Variants in ZNF512B observed in about 807,000 individuals in gnomAD.
ZNF512B encodes the protein zinc finger protein 512B.
Under a neutral mutation model 87.8 loss-of-function variants are expected in ZNF512B, and 22 were observed. The ratio of observed to expected loss-of-function variants is 0.25; its 90% confidence interval spans 0.18 to 0.36. ZNF512B has a LOEUF of 0.36. Ranked by LOEUF, ZNF512B falls within the 10% of genes least tolerant of loss-of-function variation. The pLI is 1.00. For missense variants in ZNF512B, 1,060 were observed against 1,231.6 expected, an observed-to-expected ratio of 0.86 and a Z score of 2.09; for synonymous variants, 524 against 490.9, an observed-to-expected ratio of 1.07 and a Z score of -0.89.
Position 63,967,857 on chromosome 20 carries a change from G to C in ZNF512B, c.94C>G (p.Pro32Ala). 6.2e-7 allele frequency: 1 copy of C among 1,613,320 alleles called. No individual in the cohort carries two copies. Among genetic ancestry groups the C allele is most frequent in the Non-Finnish European group, 8.5e-7 (1 of 1,179,822 alleles). ...ATCTTCGGTGGGTCATGCAGCATTG[G>C]AAGTCGGACCTCCTTTCGGCTGCCA... ...KDGSRKEVRL[P>A]MLHDPPKMGM... Residue 32 changes from proline to alanine, a missense_variant, in exon 2 of 17, where the codon CCA (proline) becomes GCA (alanine). Transcript: ENST00000369888.
rs1194865427 is a variant in ZNF512B at position 63,967,114 on chromosome 20, A to G, written c.265-110T>C. 50 of 1,508,822 alleles carry G rather than the reference A, an allele frequency of 3.3e-5. No homozygotes were observed. In the East Asian group the frequency reaches 1.1e-3, roughly 34 times the overall value. The allele number at this position is 1,508,822 out of a possible 1,614,324, so 93.5% of individuals were successfully genotyped here. On this transcript the variant is annotated intron_variant, in intron 3 of 16. Coordinates refer to ENST00000369888, the MANE Select transcript of ZNF512B (RefSeq NM_020713.3). The stretch of plus-strand genomic sequence containing the variant: ...GCCTGCAGGGCACACACACCACATG[A>G]GCCCCTCAACCTCGGGACTGCAGTG...
chr20:63,966,290 T>C lies in ZNF512B; in HGVS notation c.885A>G (p.Thr295=), dbSNP rs1342549153. ...TKPVPVTKPV[T]VSRPIVVSKP... is the part of the protein sequence containing the mutation. ...TGCTGACCACAATGGGCCTGCTGAC[T>C]GTCACTGGCTTGGTGACCGGCACGG... The change falls in exon 5 of 17, where the codon ACA becomes ACG. Residue 295 remains threonine, a synonymous_variant. Transcript: ENST00000369888. 1.9e-6 allele frequency: 3 copies of C among 1,612,502 alleles called. No individual in the cohort carries two copies. The highest frequency in any genetic ancestry group is 1.3e-5 in the African/African-American group (1 of 74,876).
chr20:63,967,004 G>A lies in ZNF512B; in HGVS notation c.265C>T (p.Leu89Phe), dbSNP rs1484132249. Residue 89 changes from leucine (L) to phenylalanine (F), a missense_variant and splice_region_variant, in exon 4 of 17, where the codon CTC becomes TTC. Coordinates refer to ENST00000369888, the MANE Select transcript of ZNF512B (RefSeq NM_020713.3). The part of the protein sequence containing the change: ...AENQALRDIP[L>F]SLMNDWKDEF... ...TCCTTCCAGTCGTTCATCAGGGAGAGCTAGGCGTGGGGAAAGGTGGTGCTG... is the reference window on the plus strand; with the variant it reads ...TCCTTCCAGTCGTTCATCAGGGAGAACTAGGCGTGGGGAAAGGTGGTGCTG... The A allele has an allele frequency of 2.5e-6, 4 of 1,613,374 alleles. No homozygotes were observed. Among genetic ancestry groups the A allele is most frequent in the Non-Finnish European group, 2.5e-6 (3 of 1,180,014 alleles).
intron 12 of ZNF512B, 41 bp downstream of exon 12, chr20:63,963,054 A>T: frequency 6.6e-7 from 1 of 1,504,644 alleles, no homozygotes. Context: ...CACACGGCAC[A>T]CAGGAACAAG....
intron 1 of ZNF512B, among the ~76,000 whole-genome samples, chr20:63,969,531 C>A (rs1250107247): frequency 6.7e-6 from 1 of 150,232 alleles, no homozygotes; most frequent in Non-Finnish European, 1.5e-5. Flanking sequence ...TCACCTGGGG[C>A]CGGGAGCGGG....
chr20:63,962,470 G>A lies in ZNF512B; in HGVS notation c.2164-96C>T. ...TCGGCAGCAGGCGACACTCGCCGCA[G>A]ATGGCGGGGGCAGCGGGTGGCCCAG... On this transcript the variant is annotated intron_variant, in intron 13 of 16. Coordinates refer to ENST00000369888, the MANE Select transcript of ZNF512B (RefSeq NM_020713.3). The A allele has an allele frequency of 2.6e-6, 4 of 1,553,834 alleles. No individual in the cohort carries two copies. The South Asian group carries it at 3.4e-5, about 13-fold the overall frequency.
intron 3 of ZNF512B, among the ~76,000 whole-genome samples, 182 bp from the exon 4 acceptor site, chr20:63,967,186 G>T (rs551824057): frequency 1.3e-5 from 2 of 152,320 alleles, no homozygotes; most frequent in African/African-American, 4.8e-5. Flanking sequence ...CCCGTTCTAG[G>T]AGCCCACCAA....
rs745447162 is a variant in ZNF512B at position 63,966,408 on chromosome 20, T to C, written c.767A>G (p.Lys256Arg). The change falls in exon 5 of 17, where the codon AAA becomes AGA. Residue 256 changes from lysine to arginine, a missense_variant. Physicochemically the swap from Lys to Arg is conservative, Grantham distance 26. This residue lies in a region of ZNF512B where 201 missense variants were observed against 226.8 expected (regional missense o/e 0.89). Coordinates refer to ENST00000369888, the MANE Select transcript of ZNF512B (RefSeq NM_020713.3). ...CACAGACTTGGTGACTGTGATGGGT[T>C]TGGTGACCGGCATGGCCTTGGTGAC... Reference protein sequence around the residue: ...MPVTKAMPVTKPITVTKSVPV... With the variant: ...MPVTKAMPVTRPITVTKSVPV... 14 of 1,613,812 alleles carry C rather than the reference T, an allele frequency of 8.7e-6. No individual in the cohort carries two copies. The highest frequency in any genetic ancestry group is 1.1e-5 in the South Asian group (1 of 91,058).
In ZNF512B at chr20:63,964,190, C is replaced by T. The variant is rs1162236716; in HGVS notation, c.1361G>A (p.Arg454Gln). The change falls in exon 8 of 17, where the codon CGA becomes CAA. Residue 454 changes from arginine to glutamine, a missense_variant. Coordinates refer to ENST00000369888, the MANE Select transcript of ZNF512B (RefSeq NM_020713.3). ...KGLVKAEDKA[R>Q]VHRSKKQEGP... ...CTCCTGCTTCTTGGAGCGGTGAACT[C>T]GGGCCTTGTCCTCAGCTTTGACCAG... 12 of 1,599,318 alleles carry T rather than the reference C, an allele frequency of 7.5e-6. No individual in the cohort carries two copies. Among genetic ancestry groups the T allele is most frequent in the Admixed American group, 5.2e-5 (3 of 57,530 alleles).
In ZNF512B at chr20:63,966,974, A is replaced by C; in HGVS notation, c.295T>G (p.Phe99Val). The C allele has an allele frequency of 6.2e-7, 1 of 1,613,404 alleles. No individual in the cohort carries two copies. The highest frequency in any genetic ancestry group is 8.5e-7 in the Non-Finnish European group (1 of 1,179,964). ...CACTTCACCCTCGAGTGTGCCTTGA[A>C]CTCATCCTTCCAGTCGTTCATCAGG... ...LSLMNDWKDEFKAHSRVKCPN... is the reference protein window; with the variant it reads ...LSLMNDWKDEVKAHSRVKCPN... Residue 99 changes from phenylalanine to valine, a missense_variant, in exon 4 of 17, where the codon TTC becomes GTC. Around this residue, in one of 9 missense-constraint regions of ZNF512B, gnomAD observed 134 missense variants for 153.6 expected, o/e 0.87. Transcript: ENST00000369888.
chr20:63,967,665 A>G, intron 2 of ZNF512B, 142 bp from the exon 3 acceptor site: 1 of 1,480,090 alleles, frequency 6.8e-7, no homozygotes, highest in Non-Finnish European at 9.0e-7. Flanking sequence ...ACAAGAACCC[A>G]GGACCCTGGG....
chr20:63,969,049 G>C (rs927437344), intron 1 of ZNF512B: 1 of 906,272 alleles, frequency 1.1e-6, no homozygotes, highest in Non-Finnish European at 1.3e-6. Context: ...AGAGAGCTGA[G>C]GTCAGAGGTC....
intron 10 of ZNF512B, 87 bp downstream of exon 10, chr20:63,963,531 C>A (rs2058880701): frequency 6.3e-7 from 1 of 1,593,212 alleles, no homozygotes. Flanking sequence ...CCACCGTTGT[C>A]CGAGGTTAGA....
rs1406592527 is a variant in ZNF512B at position 63,961,324 on chromosome 20, C to T, written c.2412G>A (p.Leu804=). The T allele has an allele frequency of 6.2e-7, 1 of 1,612,554 alleles. No individual in the cohort carries two copies. Among genetic ancestry groups the T allele is most frequent in the South Asian group, 1.1e-5 (1 of 91,086 alleles). ...SSESGVKYHI[L]KTHAENWFRT... ...GCCCTCGCACCTCTGCGTGGGTCTT[C>T]AGGATGTGGTATTTGACGCCACTCT... Residue 804 remains leucine (L), a synonymous_variant, in exon 16 of 17, where the codon CTG becomes CTA. Coordinates refer to ENST00000369888, the MANE Select transcript of ZNF512B (RefSeq NM_020713.3). This position sits in a 1 kb window ranked among gnomAD's most constrained non-coding sequence, Gnocchi z 6.4.
In ZNF512B at chr20:63,960,234, G is replaced by A. The variant is rs1368468655; in HGVS notation, c.2428-95C>T. 6 of 1,528,504 alleles carry A rather than the reference G, an allele frequency of 3.9e-6. No homozygotes were observed. In the East Asian group the frequency reaches 1.4e-4, roughly 35 times the overall value. 94.7% of individuals were successfully genotyped at this position (1,528,504 alleles called of 1,614,324 possible). ...GAGCTGAAGACCTGTCAGCCTTCAG[G>A]ACCAGGCAAGCACCTGCAGCAGGGC... is the stretch of plus-strand genomic sequence containing the variant. On this transcript the variant is annotated intron_variant, in intron 16 of 16. Transcript: ENST00000369888.
Position 63,961,679 on chromosome 20 carries a change from G to A in ZNF512B, c.2328+263C>T, listed in dbSNP as rs1323682351. 6.6e-6 allele frequency among the ~76,000 whole-genome samples: 1 copy of A among 152,164 alleles called. No individual in the cohort carries two copies. Among genetic ancestry groups the A allele is most frequent in the Non-Finnish European group, 1.5e-5 (1 of 68,028 alleles). ...CCAGTGTGCCATCTGCGTGGGTCGG[G>A]GTGCCCACCCATGCCTACATGGACG... is the stretch of plus-strand genomic sequence containing the variant. On this transcript the variant is annotated intron_variant, in intron 15 of 16. Transcript: ENST00000369888. The surrounding 1 kb of genome is among the most constrained non-coding windows in gnomAD (Gnocchi z 6.4).
rs149209660 is a variant in ZNF512B at position 63,963,329 on chromosome 20, GC to G, written c.1797+12del. ...GGCCCCCCCACCCCACACTGCCGCG[GC>G]CCCCCACTGACCTCCTGGGGGCAGC... is the stretch of plus-strand genomic sequence containing the variant. On this transcript the variant is annotated intron_variant, in intron 11 of 16. Coordinates refer to ENST00000369888, the MANE Select transcript of ZNF512B (RefSeq NM_020713.3). 17,327 of 1,538,756 alleles carry G rather than the reference GC, an allele frequency of 0.011. 157 individuals carry two copies. Among genetic ancestry groups the G allele is most frequent in the Non-Finnish European group, 0.012 (13,604 of 1,146,622 alleles).
At position 63,966,765 on chromosome 20, in the gene ZNF512B, C is replaced by A; in HGVS notation, c.410G>T (p.Arg137Leu). 5 of 1,596,612 alleles carry A rather than the reference C, an allele frequency of 3.1e-6. No individual in the cohort carries two copies. The highest frequency in any genetic ancestry group is 1.7e-5 in the Admixed American group (1 of 58,906). Residue 137 changes from arginine to leucine, a missense_variant, in exon 5 of 17, where the codon CGC (arginine) becomes CTC (leucine). Transcript: ENST00000369888. ...GCAGAAGGGGCAGGGGAAGGCCAGG[C>A]GATCTGAGATGGCACCCTGGGCAGG... ...QRCQGGAISD[R>L]LAFPCPFCEA... is the part of the protein sequence containing the mutation.
intron 10 of ZNF512B, 32 bp from the exon 11 acceptor site, chr20:63,963,472 A>T (rs775216791): frequency 1.2e-4 from 185 of 1,545,448 alleles, no homozygotes; most frequent in Non-Finnish European, 1.6e-4. Context: ...GTGACCCGGC[A>T]CCATCGCCAC....
Sources: allele counts gnomAD v4.1 joint callset (sites outside exome capture counted in the v4.1 genomes callset), GRCh38; gene constraint gnomAD v4.1.1; regional missense constraint gnomAD v4.1.1; non-coding constraint Gnocchi (gnomAD v3.1); transcripts MANE v1.5; gene names NCBI Gene and HGNC (gene_info 2026-07-23, HGNC 2026-07-21).